The following DNAH9 variants were observed in gnomAD, a reference collection of about 807,000 sequenced individuals.
The protein encoded by DNAH9 is dynein axonemal heavy chain 9, also known as DNAH9 variant protein.
In DNAH9, 345 loss-of-function variants were observed where a neutral mutation model predicts 471.6. That is an observed-to-expected ratio of 0.73 (90% CI 0.67 to 0.80). The LOEUF (loss-of-function observed/expected upper bound fraction) is 0.80, where lower values mean the gene tolerates loss of function less well. Among genes scored for constraint, DNAH9 ranks in the 30% least tolerant of loss-of-function variants. The pLI is 0.00. For missense variants in DNAH9, 5,407 were observed against 5,609.2 expected (o/e 0.96, Z 1.15); for synonymous variants, 2,093 against 2,123.6 (o/e 0.99, Z 0.40).
chr17:11,821,567 C>G (rs1161995926), intron 45 of DNAH9, among the ~76,000 whole-genome samples: 2 of 151,956 alleles, frequency 1.3e-5, no homozygotes, highest in Non-Finnish European at 2.9e-5. Context: ...AGCCATGTTT[C>G]CTGCTAAATA....
chr17:11,801,250 A>G (rs1189735984), intron 43 of DNAH9, among the ~76,000 whole-genome samples: 1 of 152,158 alleles, frequency 6.6e-6, no homozygotes, highest in Non-Finnish European at 1.5e-5. Context: ...CTATACCATC[A>G]TCCTATGAAG....
At position 11,640,275 on chromosome 17, in the gene DNAH9, TC is replaced by T; in HGVS notation, c.1796del (p.Pro599ArgfsTer19). The T allele has an allele frequency of 6.2e-7, 1 of 1,610,442 alleles. No individual in the cohort carries two copies. The highest frequency in any genetic ancestry group is 8.5e-7 in the Non-Finnish European group (1 of 1,177,142). On this transcript the variant is annotated frameshift_variant, in exon 10 of 69. Coordinates refer to ENST00000262442, the MANE Select transcript of DNAH9 (RefSeq NM_001372.4). LOFTEE classifies it high-confidence loss of function. ...TGTCTGTGCCATGTCTCCAGGGTTCTCCCCGGTGCACAAGAACATGCCCACC... is the reference window on the plus strand; with the variant it reads ...TGTCTGTGCCATGTCTCCAGGGTTCTCCCGGTGCACAAGAACATGCCCACC... ...HVQEEAELGFSPVHKNMPTVA... is the reference protein window; with the variant it reads ...HVQEEAELGFXPVHKNMPTVA...
intron 12 of DNAH9, among the ~76,000 whole-genome samples, chr17:11,650,253 G>A (rs186128762): frequency 6.6e-5 from 10 of 152,268 alleles, no homozygotes; most frequent in Admixed American, 4.6e-4. Context: ...TTCATATGAG[G>A]GGGAGATAGG....
chr17:11,632,558 T>C, intron 7 of DNAH9, 29 bp from the exon 8 acceptor site: 1 of 1,167,886 alleles, frequency 8.6e-7, no homozygotes, highest in Non-Finnish European at 1.3e-6. Flanking sequence ...AAATTACGTT[T>C]TCCTTATATA....
At position 11,847,673 on chromosome 17, in the gene DNAH9, C is replaced by T. The variant is rs74253522; in HGVS notation, c.9508-6330C>T. On this transcript the variant is annotated intron_variant, in intron 49 of 68. Coordinates refer to ENST00000262442, the MANE Select transcript of DNAH9 (RefSeq NM_001372.4). Reference sequence around the variant, plus strand: ...ATCTTCTCTATATATGAAAAGCTCTCGTGAATTGTACTGGGAATCTCCCAT... The same window carrying T: ...ATCTTCTCTATATATGAAAAGCTCTTGTGAATTGTACTGGGAATCTCCCAT... Among the ~76,000 whole-genome samples the T allele has an allele frequency of 1.0e-3, 158 of 152,284 alleles. 5 individuals are homozygous for T. The East Asian group carries it at 0.026, about 25-fold the overall frequency.
chr17:11,841,758 T>C (rs1418860795), intron 49 of DNAH9, among the ~76,000 whole-genome samples: 1 of 152,240 alleles, frequency 6.6e-6, no homozygotes, highest in Middle Eastern at 3.4e-3. Context: ...TTTATCTTTG[T>C]AGCTATTTTA....
intron 27 of DNAH9, among the ~76,000 whole-genome samples, chr17:11,726,978 G>A (rs2075162834): frequency 6.7e-6 from 1 of 149,606 alleles, no homozygotes; most frequent in Non-Finnish European, 1.5e-5. Context: ...AACCTGGGAG[G>A]TGGAGGTTGC....
intron 40 of DNAH9, among the ~76,000 whole-genome samples, chr17:11,783,985 C>T (rs2150898081): frequency 6.6e-6 from 1 of 152,178 alleles, no homozygotes; most frequent in African/African-American, 2.4e-5. Context: ...GATGAGGGCG[C>T]TTCAGAGAGA....
In DNAH9 at chr17:11,908,087, G is replaced by A. The variant is rs140200678; in HGVS notation, c.11749+2278G>A. On this transcript the variant is annotated intron_variant, in intron 61 of 68. Coordinates refer to ENST00000262442, the MANE Select transcript of DNAH9 (RefSeq NM_001372.4). ...TATACAGTCTTCCCTCCACATACAC[G>A]GGGTGGGGACTGGGAGGTATTGGTT... Among the ~76,000 whole-genome samples, 6 of 152,116 alleles carry A rather than the reference G, an allele frequency of 3.9e-5. No homozygotes were observed. The East Asian group carries it at 9.7e-4, about 25-fold the overall frequency.
Position 11,891,790 on chromosome 17 carries a change from T to C in DNAH9, c.11126T>C (p.Val3709Ala). Residue 3709 changes from valine to alanine, a missense_variant, in exon 58 of 69, where the codon GTC becomes GCC. Coordinates refer to ENST00000262442, the MANE Select transcript of DNAH9 (RefSeq NM_001372.4). ...TTCTGTCCCCAGGCCTTCAGTATCG[T>C]CTTCCAGAAGGCTGTGGAGAGGGCT... ...YQFSLKAFSI[V>A]FQKAVERAAP... 6.2e-7 allele frequency: 1 copy of C among 1,614,070 alleles called. No homozygotes were observed. The highest frequency in any genetic ancestry group is 8.5e-7 in the Non-Finnish European group (1 of 1,179,974).
rs74496810 is a variant in DNAH9 at position 11,824,477 on chromosome 17, G to T, written c.9246+1443G>T. 1.8e-4 allele frequency among the ~76,000 whole-genome samples: 28 copies of T among 152,208 alleles called. No homozygotes were observed. In the East Asian group the frequency reaches 5.4e-3, roughly 29 times the overall value. ...GATATGATTTCACTCGTCAGATCTG[G>T]TCTCTCCTCTGGGAGCAATAGTCAG... On this transcript the variant is annotated intron_variant, in intron 48 of 68. Coordinates refer to ENST00000262442, the MANE Select transcript of DNAH9 (RefSeq NM_001372.4).
chr17:11,941,632 C>T (rs1567565472), intron 66 of DNAH9, among the ~76,000 whole-genome samples: 2 of 151,932 alleles, frequency 1.3e-5, no homozygotes. Flanking sequence ...GTGTTTCTTC[C>T]AGAACTCAAG....
chr17:11,669,594 C>T lies in DNAH9; in HGVS notation c.3153C>T (p.Asn1051=), dbSNP rs2150728353. 1 of 1,614,010 alleles carries T rather than the reference C, an allele frequency of 6.2e-7. No individual in the cohort carries two copies. Among genetic ancestry groups the T allele is most frequent in the Non-Finnish European group, 8.5e-7 (1 of 1,179,854 alleles). Residue 1051 remains asparagine, a synonymous_variant, in exon 17 of 69, where the codon AAC becomes AAT. Coordinates refer to ENST00000262442, the MANE Select transcript of DNAH9 (RefSeq NM_001372.4). ...EDHVEDGIPE[N]PPLLSQFKVQ... The stretch of plus-strand genomic sequence containing the variant: ...ATGTGGAAGATGGCATCCCAGAGAA[C>T]CCTCCCCTCCTTTCTCAGTTTAAAG...
At chr17:11,869,721 C>T (rs1972193064) in intron 51 of DNAH9, among the ~76,000 whole-genome samples, 1 of 152,194 alleles carries the variant, frequency 6.6e-6, no homozygotes, top group African/African-American at 2.4e-5. Flanking sequence ...CACACATGCT[C>T]CGGCCTTCCT....
intron 48 of DNAH9, among the ~76,000 whole-genome samples, chr17:11,830,655 T>G (rs563000882): frequency 1.3e-5 from 2 of 152,294 alleles, no homozygotes; most frequent in Admixed American, 6.5e-5. Flanking sequence ...TTACATGATG[T>G]CGTTATCAAG....
intron 17 of DNAH9, 122 bp from the exon 18 acceptor site, chr17:11,679,635 C>G (rs1276965916): frequency 2.8e-6 from 2 of 722,332 alleles, no homozygotes; most frequent in African/African-American, 3.5e-5. Flanking sequence ...AGTGCTTAGT[C>G]AAGTGTTGGG....
At chr17:11,711,437 T>G (rs552834103) in intron 26 of DNAH9, among the ~76,000 whole-genome samples, 1 of 152,166 alleles carries the variant, frequency 6.6e-6, no homozygotes, top group Non-Finnish European at 1.5e-5. Flanking sequence ...TTTATGATGT[T>G]TGCTCTACCA....
At position 11,611,789 on chromosome 17, in the gene DNAH9, C is replaced by G. The variant is rs1255340496; in HGVS notation, c.904+9C>G. ...CAGAGATGTTGTTGCAGGTGAGGACCAGCAAGTGTTTTCACAAATGTGTTT... is the reference window on the plus strand; with the variant it reads ...CAGAGATGTTGTTGCAGGTGAGGACGAGCAAGTGTTTTCACAAATGTGTTT... On this transcript the variant is annotated intron_variant, in intron 4 of 68. Transcript: ENST00000262442. 7.4e-6 allele frequency: 12 copies of G among 1,613,830 alleles called. No individual in the cohort carries two copies. In the South Asian group the frequency reaches 1.3e-4, roughly 18 times the overall value.
chr17:11,921,449 T>C (rs9896192), intron 61 of DNAH9, among the ~76,000 whole-genome samples: 28,400 of 151,734 alleles, frequency 0.19, 2,752 homozygotes, highest in East Asian at 0.27. Context: ...CAGTGGGGCA[T>C]AGTTCCAGGT....
Sources: allele counts gnomAD v4.1 joint callset (sites outside exome capture counted in the v4.1 genomes callset), GRCh38; gene constraint gnomAD v4.1.1; transcripts MANE v1.5; gene names NCBI Gene and HGNC (gene_info 2026-07-23, HGNC 2026-07-21).